Variants in RBMS3 observed in about 807,000 individuals in gnomAD.
RBMS3 encodes RNA binding motif single stranded interacting protein 3, also known as RNA-binding motif, single-stranded-interacting protein 3.
A neutral mutation model predicts 66.8 loss-of-function variants in RBMS3; 27 were observed. The ratio of observed to expected loss-of-function variants is 0.40; its 90% CI spans 0.30 to 0.56. The LOEUF is 0.56. Among genes scored for constraint, RBMS3 ranks in the 20% least tolerant of loss-of-function variants. RBMS3 has a pLI of 0.40. For missense variants in RBMS3, 513 were observed against 549.5 expected (o/e 0.93, Z 0.66); for synonymous variants, 188 against 183.0 (o/e 1.03, Z -0.22).
chr3:29,562,086 T>A (rs1434024387), intron 3 of RBMS3, among the ~76,000 whole-genome samples: 1 of 152,182 alleles, frequency 6.6e-6, no homozygotes, highest in African/African-American at 2.4e-5. Context: ...TATTCAACTT[T>A]AGCATCCTGT....
At chr3:29,895,689 A>G (rs912177848) in intron 8 of RBMS3, among the ~76,000 whole-genome samples, 2 of 151,572 alleles carry the variant, frequency 1.3e-5, no homozygotes, top group African/African-American at 4.8e-5. Context: ...TAAAGTCTGT[A>G]TAAACATTTG....
chr3:29,461,681 G>T (rs532550215), intron 2 of RBMS3, among the ~76,000 whole-genome samples: 1 of 152,228 alleles, frequency 6.6e-6, no homozygotes, highest in East Asian at 1.9e-4. Flanking sequence ...CTAAACTTAT[G>T]AGTTTATACC....
chr3:29,355,230 G>A (rs1211420414), intron 1 of RBMS3, among the ~76,000 whole-genome samples: 1 of 152,054 alleles, frequency 6.6e-6, no homozygotes, highest in Non-Finnish European at 1.5e-5. Context: ...GTAGGTAATA[G>A]GGAATACATA....
chr3:29,799,689 T>C (rs1487265936), intron 6 of RBMS3, among the ~76,000 whole-genome samples: 2 of 152,194 alleles, frequency 1.3e-5, no homozygotes, highest in African/African-American at 4.8e-5. Context: ...ATTTAAAGTA[T>C]ACACTTCATT....
At chr3:29,568,376 A>G (rs1011903130) in intron 3 of RBMS3, among the ~76,000 whole-genome samples, 3 of 152,238 alleles carry the variant, frequency 2.0e-5, no homozygotes, top group Non-Finnish European at 2.9e-5. Flanking sequence ...CTTTAAAAAT[A>G]TAAAGATTTG....
intron 2 of RBMS3, among the ~76,000 whole-genome samples, chr3:29,476,360 C>T (rs2042947285): frequency 6.6e-6 from 1 of 152,214 alleles, no homozygotes; most frequent in African/African-American, 2.4e-5. Flanking sequence ...TCACCTACCT[C>T]ACCACCAGTA....
At chr3:29,335,696 C>T (rs989405193) in intron 1 of RBMS3, among the ~76,000 whole-genome samples, 1 of 152,168 alleles carries the variant, frequency 6.6e-6, no homozygotes, top group Non-Finnish European at 1.5e-5. Context: ...GAAGTGTGAG[C>T]ATTCCAAAGG....
At chr3:29,962,568 A>ATATATATATATATATATAT (rs199824648) in intron 12 of RBMS3, among the ~76,000 whole-genome samples, 34 of 149,462 alleles carry the variant, frequency 2.3e-4, no homozygotes, top group East Asian at 7.8e-4. Flanking sequence ...ATATATATAT[A>ATATATATATATATATATAT]ATACCATACC....
At chr3:29,448,194 A>C (rs950280831) in intron 2 of RBMS3, among the ~76,000 whole-genome samples, 4 of 152,320 alleles carry the variant, frequency 2.6e-5, no homozygotes, top group Admixed American at 6.5e-5. Context: ...TCCTAAGGAC[A>C]CTTTCATGAC....
rs138205805 is a variant in RBMS3, at chr3:29,746,988, A to T, written c.557+7111A>T. 1.8e-4 allele frequency among the ~76,000 whole-genome samples: 28 copies of T among 152,358 alleles called. No individual in the cohort carries two copies. In the East Asian group the frequency reaches 4.4e-3, roughly 24 times the overall value. On this transcript the variant is annotated intron_variant, in intron 5 of 14. Coordinates refer to ENST00000383767, the MANE Select transcript of RBMS3 (RefSeq NM_001003793.3). Reference sequence around the variant, plus strand: ...TACCTCCAGATTAGAAATGGTGGCCATTCAGTATGCTCAGGGCTCATAACA... The same window carrying T: ...TACCTCCAGATTAGAAATGGTGGCCTTTCAGTATGCTCAGGGCTCATAACA...
intron 3 of RBMS3, among the ~76,000 whole-genome samples, chr3:29,540,274 G>C (rs2045709450): frequency 6.6e-6 from 1 of 152,042 alleles, no homozygotes; most frequent in Non-Finnish European, 1.5e-5. Context: ...GTAATAAACT[G>C]TATACTTCCC....
rs79875715 is a variant in RBMS3, at chr3:29,985,655, G to A, written c.1099-2488G>A. 6.5e-3 allele frequency among the ~76,000 whole-genome samples: 986 copies of A among 152,124 alleles called. 7 individuals are homozygous for A. Among genetic ancestry groups the A allele is most frequent in the Non-Finnish European group, 0.011 (730 of 67,986 alleles). ...GTGAGGCGATACCCTACGCTGCTTCGGCTCACCCTCCTTGGGCTGCACCCA... is the reference window on the plus strand; with the variant it reads ...GTGAGGCGATACCCTACGCTGCTTCAGCTCACCCTCCTTGGGCTGCACCCA... On this transcript the variant is annotated intron_variant, in intron 12 of 14. Transcript: ENST00000383767.
rs190375563 is a variant in RBMS3, at chr3:29,882,395, C to T, written c.745-1767C>T. Among the ~76,000 whole-genome samples, 163 of 152,204 alleles carry T rather than the reference C, an allele frequency of 1.1e-3. 1 individual carries two copies. The highest frequency in any genetic ancestry group is 2.4e-4 in the Non-Finnish European group (16 of 67,994). ...TCAGTCCCCCAGCTTGTCATATTAT[C>T]AGTTGCATATTTCTTTAACATGAAT... On this transcript the variant is annotated intron_variant, in intron 7 of 14. Coordinates refer to ENST00000383767, the MANE Select transcript of RBMS3 (RefSeq NM_001003793.3).
At chr3:29,998,513 C>T (rs2125395408) in intron 14 of RBMS3, among the ~76,000 whole-genome samples, 1 of 152,330 alleles carries the variant, frequency 6.6e-6, no homozygotes, top group East Asian at 1.9e-4. Context: ...TGACTTCAAA[C>T]TATACTACAA....
chr3:29,891,424 G>C (rs1254419166), intron 8 of RBMS3, among the ~76,000 whole-genome samples: 2 of 151,532 alleles, frequency 1.3e-5, no homozygotes, highest in Admixed American at 1.3e-4. Flanking sequence ...AGTAAAAATC[G>C]TAGTACTTTT....
intron 5 of RBMS3, 76 bp downstream of exon 5, chr3:29,739,953 A>C: frequency 4.7e-6 from 5 of 1,058,696 alleles, no homozygotes; most frequent in Non-Finnish European, 6.3e-6. Context: ...TTAGTACTAG[A>C]GCCCAAAGCA....
chr3:29,407,446 C>G lies in RBMS3; in HGVS notation c.76-27297C>G, dbSNP rs146726033. On this transcript the variant is annotated intron_variant, in intron 1 of 14. Coordinates refer to ENST00000383767, the MANE Select transcript of RBMS3 (RefSeq NM_001003793.3). ...ATTAAGGGTGATCTTTCTTATCAAT[C>G]TACTCATGATAATTTGGTTAAAATA... is the stretch of plus-strand genomic sequence containing the variant. Among the ~76,000 whole-genome samples, 69 of 152,266 alleles carry G rather than the reference C, an allele frequency of 4.5e-4. No individual in the cohort carries two copies. The East Asian group carries it at 0.01, about 22-fold the overall frequency.
chr3:29,996,109 G>C (rs1699210591), intron 14 of RBMS3, among the ~76,000 whole-genome samples: 1 of 151,246 alleles, frequency 6.6e-6, no homozygotes, highest in South Asian at 2.1e-4. Flanking sequence ...AAAGGCAGGG[G>C]TTGCAATCCT....
chr3:29,699,135 A>G (rs1216519934), intron 4 of RBMS3, among the ~76,000 whole-genome samples: 2 of 152,158 alleles, frequency 1.3e-5, no homozygotes, highest in Non-Finnish European at 2.9e-5. Flanking sequence ...TTCTTGAAAG[A>G]AGGTTTCAAA....
Sources: gnomAD v4.1 joint callset for allele counts (sites outside exome capture counted in the v4.1 genomes callset) on GRCh38, gnomAD v4.1.1 for gene constraint, MANE v1.5 for transcripts, NCBI Gene and HGNC (gene_info 2026-07-23, HGNC 2026-07-21) for gene names.